The following CREB5 variants were observed in gnomAD, a reference collection of about 807,000 sequenced individuals.
CREB5 encodes cAMP responsive element binding protein 5, also known as cyclic AMP-responsive element-binding protein 5.
A neutral mutation model predicts 57.1 loss-of-function variants in CREB5; 19 were observed. The observed-to-expected ratio is 0.33, with a 90% CI of 0.23 to 0.49. The LOEUF (loss-of-function observed/expected upper bound fraction) is 0.49, where lower values mean the gene tolerates loss of function less well. Among genes scored for constraint, CREB5 ranks in the 20% least tolerant of loss-of-function variants. CREB5 has a pLI of 0.99. For missense variants in CREB5, 579 were observed against 671.6 expected (o/e 0.86, Z 1.52); for synonymous variants, 238 against 238.3 (o/e 1.00, Z 0.01).
At chr7:28,509,256 T>A (rs540389470) in intron 4 of CREB5, among the ~76,000 whole-genome samples, 2 of 152,352 alleles carry the variant, frequency 1.3e-5, no homozygotes, top group East Asian at 3.9e-4. Context: ...TAAAGACATT[T>A]TTCCAAGAAC....
rs1007865981 is a variant in CREB5, at chr7:28,819,582, A to G, written c.*303A>G. On this transcript the variant is annotated 3_prime_UTR_variant, in exon 11 of 11. Transcript: ENST00000357727. ...TGTATATAGCCATGGTTTCATTCTT[A>G]TCAGTCCAACCCTTTGCCTGAAACA... 3.8e-6 allele frequency: 1 copy of G among 260,112 alleles called. No homozygotes were observed. The highest frequency in any genetic ancestry group is 4.9e-5 in the Admixed American group (1 of 20,222). 16.1% of individuals were successfully genotyped at this position (260,112 alleles called of 1,614,324 possible). A position where few individuals can be genotyped will look rare whatever the true frequency, so the allele number is the denominator to read the frequency against.
intron 3 of CREB5, among the ~76,000 whole-genome samples, chr7:28,499,677 G>A (rs1188639852): frequency 1.3e-5 from 2 of 152,130 alleles, no homozygotes; most frequent in Admixed American, 6.5e-5. Context: ...TCTGCTTCCC[G>A]GGTTCAAGTG....
intron 7 of CREB5, among the ~76,000 whole-genome samples, chr7:28,759,363 T>C (rs1007227195): frequency 1.3e-5 from 2 of 152,204 alleles, no homozygotes; most frequent in African/African-American, 4.8e-5. Flanking sequence ...GCCAGCTATG[T>C]GAACTCTGAG....
intron 4 of CREB5, among the ~76,000 whole-genome samples, chr7:28,551,884 TTTC>T (rs1447253663): frequency 3.9e-4 from 59 of 151,284 alleles, no homozygotes; most frequent in African/African-American, 1.2e-3. Context: ...CTTTCTTTCT[TTTC>T]TTTCTTTCTT....
chr7:28,718,435 A>G (rs983609440), intron 5 of CREB5, among the ~76,000 whole-genome samples: 1 of 152,198 alleles, frequency 6.6e-6, no homozygotes, highest in Non-Finnish European at 1.5e-5. Context: ...TGAGTAAACA[A>G]AGGATTTCAC....
intron 7 of CREB5, among the ~76,000 whole-genome samples, chr7:28,770,178 G>C (rs1562628926): frequency 6.6e-6 from 1 of 152,212 alleles, no homozygotes; most frequent in Non-Finnish European, 1.5e-5. Context: ...GTGGAGAAAG[G>C]GGAGAGAAGA....
intron 5 of CREB5, among the ~76,000 whole-genome samples, chr7:28,715,167 A>G (rs188335573): frequency 2.7e-4 from 41 of 152,330 alleles, no homozygotes; most frequent in African/African-American, 9.9e-4. Context: ...GTGAATATCA[A>G]AAGAAATGAA....
chr7:28,367,547 T>C (rs10236534), intron 1 of CREB5, among the ~76,000 whole-genome samples: 70,271 of 151,818 alleles, frequency 0.46, 16,494 homozygotes, highest in Non-Finnish European at 0.52. Flanking sequence ...CGGTAGCTCA[T>C]ACCTGTAATC....
At chr7:28,421,815 A>G (rs1271981552) in intron 1 of CREB5, among the ~76,000 whole-genome samples, 5 of 148,132 alleles carry the variant, frequency 3.4e-5, no homozygotes, top group African/African-American at 1.2e-4. Context: ...CACCATATAT[A>G]TAGTGTGCAT....
intron 1 of CREB5, among the ~76,000 whole-genome samples, chr7:28,474,397 T>G (rs1232569986): frequency 6.6e-6 from 1 of 152,146 alleles, no homozygotes; most frequent in Admixed American, 6.5e-5. Flanking sequence ...TGGGGCTGTG[T>G]TTTGTAGGCA....
At chr7:28,751,402 A>G (rs1037094153) in intron 7 of CREB5, among the ~76,000 whole-genome samples, 5 of 152,182 alleles carry the variant, frequency 3.3e-5, no homozygotes, top group African/African-American at 1.2e-4. Context: ...GATTTTGTCT[A>G]TAATGTGTTC....
chr7:28,726,128 G>A (rs1803323285), intron 7 of CREB5, among the ~76,000 whole-genome samples: 2 of 152,140 alleles, frequency 1.3e-5, no homozygotes, highest in Admixed American at 1.3e-4. Flanking sequence ...ACAAATGTTT[G>A]TTGGGTTAAA....
upstream of CREB5, among the ~76,000 whole-genome samples, chr7:28,411,587 G>A (rs565943203): frequency 5.9e-5 from 9 of 152,054 alleles, no homozygotes; most frequent in East Asian, 1.7e-3. Flanking sequence ...TGAGGGAGGT[G>A]TGCAGCAGAA....
At chr7:28,728,638 C>T (rs1562600184) in intron 7 of CREB5, among the ~76,000 whole-genome samples, 2 of 152,194 alleles carry the variant, frequency 1.3e-5, no homozygotes, top group African/African-American at 2.4e-5. Context: ...TTATTTTACA[C>T]GTGTGTCTCT....
rs1262271618 is a variant in CREB5, at chr7:28,560,809, CGTGT to C, written c.292-9546_292-9543del. ...TCTCTGCTTCCACAGTGTGTGTGCG[CGTGT>C]GTGTGTGTGCGCGCGCGCGCGTGTG... On this transcript the variant is annotated intron_variant, in intron 4 of 10. Transcript: ENST00000357727. Among the ~76,000 whole-genome samples the C allele has an allele frequency of 8.8e-4, 17 of 19,398 alleles. 2 individuals carry two copies. The highest frequency in any genetic ancestry group is 1.5e-3 in the Non-Finnish European group (12 of 7,886). 12.7% of individuals were successfully genotyped at this position (19,398 alleles called of 152,430 possible).
At chr7:28,547,005 G>A (rs1174283874) in intron 4 of CREB5, among the ~76,000 whole-genome samples, 1 of 152,216 alleles carries the variant, frequency 6.6e-6, no homozygotes, top group Non-Finnish European at 1.5e-5. Flanking sequence ...CATTATGAAT[G>A]TATGTATTTG....
At chr7:28,523,157 G>A (rs988592345) in intron 4 of CREB5, among the ~76,000 whole-genome samples, 3 of 152,188 alleles carry the variant, frequency 2.0e-5, no homozygotes, top group African/African-American at 4.8e-5. Context: ...GTCTCTTAGG[G>A]CATAACCTTG....
intron 4 of CREB5, among the ~76,000 whole-genome samples, chr7:28,513,130 G>C (rs937130560): frequency 6.6e-6 from 1 of 152,240 alleles, no homozygotes; most frequent in Non-Finnish European, 1.5e-5. Context: ...AGAAGGTGCG[G>C]AAGGAGAGGC....
At chr7:28,802,382 G>C (rs1562651087) in intron 7 of CREB5, among the ~76,000 whole-genome samples, 1 of 151,938 alleles carries the variant, frequency 6.6e-6, no homozygotes, top group Non-Finnish European at 1.5e-5. Flanking sequence ...TTGATTAATT[G>C]AATTGGTATT....
Sources: gnomAD v4.1 joint callset for allele counts (sites outside exome capture counted in the v4.1 genomes callset) on GRCh38, gnomAD v4.1.1 for gene constraint, MANE v1.5 for transcripts, NCBI Gene and HGNC (gene_info 2026-07-23, HGNC 2026-07-21) for gene names.